The following ARL15 variants were observed in gnomAD, a reference collection of about 807,000 sequenced individuals.
ARL15 encodes ARF like GTPase 15.
A neutral mutation model predicts 25.2 loss-of-function variants in ARL15; 19 were observed. That is an observed-to-expected ratio of 0.75 (90% CI 0.53 to 1.10). ARL15 has a LOEUF of 1.10. ARL15 is among the 50% of genes least tolerant of loss of function. ARL15 has a pLI of 0.00. For synonymous variants in ARL15, 94 were observed against 86.8 expected (o/e 1.08, Z -0.46); for missense variants, 220 against 246.0 (o/e 0.89, Z 0.71).
chr5:54,011,838 G>A (rs1449719741), intron 4 of ARL15, among the ~76,000 whole-genome samples: 2 of 152,112 alleles, frequency 1.3e-5, no homozygotes, highest in East Asian at 1.9e-4. Flanking sequence ...GTGAAATCCC[G>A]ACTCTACTAA....
At chr5:54,278,581 C>A (rs1181596337) in intron 1 of ARL15, among the ~76,000 whole-genome samples, 1 of 152,160 alleles carries the variant, frequency 6.6e-6, no homozygotes, top group African/African-American at 2.4e-5. Flanking sequence ...CTCCTTGGAC[C>A]AGATGCTTGG....
intron 4 of ARL15, among the ~76,000 whole-genome samples, chr5:53,958,354 A>G (rs1747240849): frequency 6.6e-6 from 1 of 152,232 alleles, no homozygotes; most frequent in South Asian, 2.1e-4. Flanking sequence ...GTATCAAGTA[A>G]AAGTAGACTG....
intron 2 of ARL15, among the ~76,000 whole-genome samples, chr5:54,156,563 CT>C: frequency 2.0e-5 from 3 of 152,160 alleles, no homozygotes; most frequent in African/African-American, 7.2e-5. Context: ...TGGGTGCTCA[CT>C]TATTAATCTA....
chr5:54,095,079 G>C (rs982606733), intron 4 of ARL15, among the ~76,000 whole-genome samples: 2 of 152,106 alleles, frequency 1.3e-5, no homozygotes, highest in South Asian at 4.2e-4. Flanking sequence ...GGCCTGCAGT[G>C]GGCTTGCATA....
At chr5:54,258,168 CAAAAAA>C (rs773543108) in intron 1 of ARL15, among the ~76,000 whole-genome samples, 1 of 121,740 alleles carries the variant, frequency 8.2e-6, no homozygotes, top group East Asian at 2.4e-4. Flanking sequence ...TTTGTTTCTA[CAAAAAA>C]AAAAAAAAAA....
chr5:54,110,863 T>C (rs1752719087), intron 4 of ARL15, among the ~76,000 whole-genome samples: 2 of 152,074 alleles, frequency 1.3e-5, no homozygotes, highest in Admixed American at 6.6e-5. Flanking sequence ...TCCATTTTTA[T>C]GCCAACAATA....
chr5:54,188,613 C>CG (rs1755305704), intron 1 of ARL15, among the ~76,000 whole-genome samples: 2 of 152,102 alleles, frequency 1.3e-5, no homozygotes, highest in South Asian at 4.1e-4. Flanking sequence ...CTGAGAGGAT[C>CG]AGGGCTCACT....
chr5:54,256,094 T>C (rs1195109056), intron 1 of ARL15, among the ~76,000 whole-genome samples: 1 of 148,980 alleles, frequency 6.7e-6, no homozygotes, highest in African/African-American at 2.5e-5. Flanking sequence ...TAAATGAAAC[T>C]GAAACACAAA....
intron 4 of ARL15, among the ~76,000 whole-genome samples, chr5:54,055,903 C>G (rs975481620): frequency 1.3e-5 from 2 of 152,158 alleles, no homozygotes; most frequent in African/African-American, 4.8e-5. Flanking sequence ...GAACTGTGGG[C>G]TCCCCAGACG....
intron 4 of ARL15, among the ~76,000 whole-genome samples, chr5:53,893,944 T>TA (rs1173019500): frequency 1.3e-5 from 2 of 152,170 alleles, no homozygotes; most frequent in Non-Finnish European, 2.9e-5. Flanking sequence ...AGAAAGGTAC[T>TA]AAATATGTCA....
intron 1 of ARL15, among the ~76,000 whole-genome samples, chr5:54,199,749 A>T (rs1471814453): frequency 6.8e-6 from 1 of 147,012 alleles, no homozygotes; most frequent in Non-Finnish European, 1.5e-5. Flanking sequence ...TTCCTCAGGG[A>T]TCTAGAACTA....
chr5:54,017,066 T>A (rs1698637935), intron 4 of ARL15, among the ~76,000 whole-genome samples: 2 of 152,210 alleles, frequency 1.3e-5, no homozygotes, highest in Non-Finnish European at 2.9e-5. Context: ...TTGGATTTGC[T>A]CCGCCTTTGT....
intron 4 of ARL15, among the ~76,000 whole-genome samples, chr5:54,011,135 G>A (rs1025795997): frequency 2.6e-5 from 4 of 152,060 alleles, no homozygotes; most frequent in Admixed American, 2.6e-4. Context: ...CAGATTTCAC[G>A]ATTCAAGGTT....
At chr5:54,038,579 G>C (rs1750240529) in intron 4 of ARL15, among the ~76,000 whole-genome samples, 1 of 151,918 alleles carries the variant, frequency 6.6e-6, no homozygotes, top group Non-Finnish European at 1.5e-5. Context: ...ATTGAACAGT[G>C]AAATAAACCA....
intron 3 of ARL15, among the ~76,000 whole-genome samples, chr5:54,144,479 A>G (rs1393127673): frequency 6.6e-6 from 1 of 152,154 alleles, no homozygotes; most frequent in East Asian, 1.9e-4. Flanking sequence ...TTAAATTCTT[A>G]ATTTCTGTGC....
In ARL15 at chr5:54,270,855, T is replaced by C. The variant is rs138698807; in HGVS notation, c.48+39577A>G. Reference sequence around the variant, plus strand: ...TCTGGGATGATGTTTCCAGAGGAGATTGGCATGTGAGTCTGAGCGGACTAG... The same window carrying C: ...TCTGGGATGATGTTTCCAGAGGAGACTGGCATGTGAGTCTGAGCGGACTAG... On this transcript the variant is annotated intron_variant, in intron 1 of 4. Transcript: ENST00000504924. 1.8e-3 allele frequency among the ~76,000 whole-genome samples: 269 copies of C among 152,314 alleles called. 1 individual carries two copies. Among genetic ancestry groups the C allele is most frequent in the African/African-American group, 6.3e-3 (261 of 41,568 alleles).
At chr5:53,917,258 G>A (rs915417485) in intron 4 of ARL15, among the ~76,000 whole-genome samples, 6 of 152,208 alleles carry the variant, frequency 3.9e-5, no homozygotes, top group Non-Finnish European at 8.8e-5. Context: ...ATGAAGGTTA[G>A]TGAAACATAC....
intron 4 of ARL15, chr5:53,911,985 G>A (rs1745477212): frequency 6.6e-6 from 1 of 151,528 alleles, no homozygotes; most frequent in African/African-American, 2.4e-5. Flanking sequence ...GCAATCCGAA[G>A]TCTCTATATA....
intron 4 of ARL15, among the ~76,000 whole-genome samples, chr5:54,045,089 T>G (rs144846782): frequency 6.5e-4 from 99 of 152,330 alleles, no homozygotes; most frequent in Non-Finnish European, 1.2e-3. Context: ...GAAATGTAAC[T>G]GCTGAGAAAC....
Sources: allele counts gnomAD v4.1 joint callset (sites outside exome capture counted in the v4.1 genomes callset), GRCh38; gene constraint gnomAD v4.1.1; transcripts MANE v1.5; gene names NCBI Gene and HGNC (gene_info 2026-07-23, HGNC 2026-07-21).